The following MRC1 variants were observed in gnomAD, a reference collection of about 807,000 sequenced individuals.
The protein encoded by MRC1 is macrophage mannose receptor 1.
A neutral mutation model predicts 102.9 loss-of-function variants in MRC1; 62 were observed. The ratio of observed to expected loss-of-function variants is 0.60; its 90% CI spans 0.49 to 0.74. The LOEUF (loss-of-function observed/expected upper bound fraction) is 0.74, where lower values mean the gene tolerates loss of function less well. Ranked by LOEUF, MRC1 falls within the 30% of genes least tolerant of loss-of-function variation. MRC1 has a pLI of 0.00. For synonymous variants in MRC1, 457 were observed against 298.4 expected, an observed-to-expected ratio of 1.53 and a Z score of -5.48; for missense variants, 1,237 against 862.8, an observed-to-expected ratio of 1.43 and a Z score of -5.43.
chr10:17,892,074 C>T (rs900280178), intron 22 of MRC1, among the ~76,000 whole-genome samples: 1 of 152,048 alleles, frequency 6.6e-6, no homozygotes, highest in East Asian at 1.9e-4. Context: ...GTGGTGAAAC[C>T]GCAGTTAGTT....
At chr10:17,834,321 C>A (rs1554839300) in intron 4 of MRC1, among the ~76,000 whole-genome samples, 1 of 152,152 alleles carries the variant, frequency 6.6e-6, no homozygotes, top group Non-Finnish European at 1.5e-5. Context: ...GCCTCCTGTC[C>A]CTCGAACCCC....
chr10:17,859,212 G>C (rs1833142453), intron 9 of MRC1, among the ~76,000 whole-genome samples: 1 of 151,926 alleles, frequency 6.6e-6, no homozygotes, highest in African/African-American at 2.4e-5. Flanking sequence ...TTATTCTTTT[G>C]TTACCAAGTC....
intron 12 of MRC1, among the ~76,000 whole-genome samples, chr10:17,868,906 C>T (rs1397834305): frequency 6.6e-6 from 1 of 152,156 alleles, no homozygotes; most frequent in Admixed American, 6.5e-5. Context: ...AGGACTAACA[C>T]AAAGAAAATC....
intron 6 of MRC1, among the ~76,000 whole-genome samples, chr10:17,847,842 T>G (rs1173815405): frequency 6.6e-6 from 1 of 152,226 alleles, no homozygotes. Context: ...TGATACTATT[T>G]TCAATTTCCT....
chr10:17,876,125 G>A (rs1197028130), intron 17 of MRC1, among the ~76,000 whole-genome samples: 1 of 152,090 alleles, frequency 6.6e-6, no homozygotes, highest in Admixed American at 6.6e-5. Flanking sequence ...TTCTAATTAT[G>A]TGCTGAATTT....
intron 21 of MRC1, among the ~76,000 whole-genome samples, chr10:17,884,356 C>G (rs1279976414): frequency 6.6e-6 from 1 of 152,184 alleles, no homozygotes; most frequent in Non-Finnish European, 1.5e-5. Flanking sequence ...ATTTCTCCCC[C>G]ACCTCCCCAG....
chr10:17,826,875 G>A (rs1279580630), intron 2 of MRC1, among the ~76,000 whole-genome samples: 2 of 152,226 alleles, frequency 1.3e-5, no homozygotes, highest in East Asian at 3.8e-4. Context: ...AGGGATTAGA[G>A]AACAATGCCA....
intron 23 of MRC1, among the ~76,000 whole-genome samples, chr10:17,897,358 C>G (rs1182712958): frequency 6.6e-6 from 1 of 152,138 alleles, no homozygotes; most frequent in African/African-American, 2.4e-5. Flanking sequence ...GACAAAAGAT[C>G]AGAAAGCTGA....
chr10:17,866,771 A>G lies in MRC1; in HGVS notation c.1983+10A>G. On this transcript the variant is annotated intron_variant, in intron 12 of 29. Transcript: ENST00000569591. ...AAGCTTGTGTTTCAAGGTGAGTATC[A>G]GTTATAAAGCTGGTAAGAGAATCTG... 1 of 780,836 alleles carries G rather than the reference A, an allele frequency of 1.3e-6. No individual in the cohort carries two copies. The highest frequency in any genetic ancestry group is 2.4e-6 in the Non-Finnish European group (1 of 417,954). 48.4% of individuals were successfully genotyped at this position (780,836 alleles called of 1,614,324 possible).
intron 20 of MRC1, 48 bp from the exon 21 acceptor site, chr10:17,881,019 T>G: frequency 1.3e-6 from 1 of 779,290 alleles, no homozygotes; most frequent in South Asian, 1.3e-5. Context: ...TCATCTTTAG[T>G]TAACCCCTGC....
chr10:17,893,797 C>T (rs1430746734), intron 22 of MRC1, among the ~76,000 whole-genome samples: 1 of 152,164 alleles, frequency 6.6e-6, no homozygotes, highest in Non-Finnish European at 1.5e-5. Flanking sequence ...ATAAATTTAG[C>T]AATGAAATAT....
At chr10:17,850,774 A>G (rs1838902645) in intron 7 of MRC1, among the ~76,000 whole-genome samples, 1 of 151,994 alleles carries the variant, frequency 6.6e-6, no homozygotes, top group Admixed American at 6.6e-5. Context: ...GGGCTGGGGG[A>G]GGGGAGGAAA....
intron 7 of MRC1, among the ~76,000 whole-genome samples, chr10:17,851,882 G>A (rs1838922808): frequency 1.3e-5 from 2 of 152,336 alleles, no homozygotes; most frequent in Non-Finnish European, 1.5e-5. Flanking sequence ...ACTTTCAGGA[G>A]GAAGAGACTA....
intron 8 of MRC1, among the ~76,000 whole-genome samples, chr10:17,853,824 T>C (rs1474439998): frequency 6.6e-6 from 1 of 152,206 alleles, no homozygotes; most frequent in Non-Finnish European, 1.5e-5. Flanking sequence ...TTATCAAATT[T>C]ATCTTTTATT....
At chr10:17,832,733 G>A (rs1343752862) in intron 3 of MRC1, among the ~76,000 whole-genome samples, 12 of 150,620 alleles carry the variant, frequency 8.0e-5, no homozygotes, top group East Asian at 4.0e-4. Context: ...GACTACAGGC[G>A]CCCGCCACCA....
At chr10:17,897,917 T>C in intron 23 of MRC1, 117 bp from the exon 24 acceptor site, 1 of 760,582 alleles carries the variant, frequency 1.3e-6, no homozygotes, top group South Asian at 1.4e-5. Flanking sequence ...AACAGCTGAA[T>C]GTTTGGAGTT....
At chr10:17,813,312 A>G (rs1221448427) in intron 1 of MRC1, among the ~76,000 whole-genome samples, 1 of 152,184 alleles carries the variant, frequency 6.6e-6, no homozygotes, top group Non-Finnish European at 1.5e-5. Flanking sequence ...TGTGGTTCTG[A>G]CATAGACATC....
In MRC1 at chr10:17,845,303, G is replaced by C. The variant is rs1838809563; in HGVS notation, c.931G>C (p.Glu311Gln). 6.4e-6 allele frequency: 5 copies of C among 780,706 alleles called. No homozygotes were observed. Among genetic ancestry groups the C allele is most frequent in the African/African-American group, 1.7e-5 (1 of 59,132 alleles). The allele number at this position is 780,706 out of a possible 1,614,324, so 48.4% of individuals were successfully genotyped here. ...LNWLPGSPSAEPGKSCVSLNP... is the reference protein window; with the variant it reads ...LNWLPGSPSAQPGKSCVSLNP... Reference sequence around the variant, plus strand: ...TTTCCTCGAAGGAAGTCCATCAGCTGAACCTGGAAAAAGCTGTGTGTCACT... The same window carrying C: ...TTTCCTCGAAGGAAGTCCATCAGCTCAACCTGGAAAAAGCTGTGTGTCACT... The change falls in exon 6 of 30, where the codon GAA becomes CAA. Residue 311 changes from glutamate to glutamine, a missense_variant. By Grantham distance (29) the Glu-to-Gln change is conservative. Coordinates refer to ENST00000569591, the MANE Select transcript of MRC1 (RefSeq NM_002438.4).
intron 18 of MRC1, 49 bp downstream of exon 18, chr10:17,878,016 C>G (rs1833460943): frequency 1.2e-6 from 1 of 861,372 alleles, no homozygotes; most frequent in Non-Finnish European, 2.0e-6. Context: ...GTGTTCTGAC[C>G]AATACCTATG....
Sources: gnomAD v4.1 joint callset for allele counts (sites outside exome capture counted in the v4.1 genomes callset) on GRCh38, gnomAD v4.1.1 for gene constraint, MANE v1.5 for transcripts, NCBI Gene and HGNC (gene_info 2026-07-23, HGNC 2026-07-21) for gene names.